Variants in RBFOX1 observed in about 807,000 individuals in gnomAD.
The protein encoded by RBFOX1 is RNA binding fox-1 homolog 1.
In RBFOX1, 8 loss-of-function variants were observed where a neutral mutation model predicts 57.7. The observed-to-expected ratio is 0.14, with a 90% confidence interval of 0.08 to 0.25. The LOEUF is 0.25. RBFOX1 is among the 10% of genes least tolerant of loss of function. The pLI is 1.00. For missense variants in RBFOX1, 611 were observed against 548.5 expected (o/e 1.11, Z -1.14); for synonymous variants, 326 against 222.4 (o/e 1.47, Z -4.15).
At chr16:7,273,200 C>T (rs79339377) in intron 4 of RBFOX1, among the ~76,000 whole-genome samples, 4 of 53,378 alleles carry the variant, frequency 7.5e-5, no homozygotes, top group Non-Finnish European at 1.1e-4. Context: ...CTTCCTTCCT[C>T]CCTCCCTTCC....
intron 3 of RBFOX1, among the ~76,000 whole-genome samples, chr16:6,690,750 C>A (rs938931058): frequency 1.5e-5 from 1 of 65,998 alleles, no homozygotes; most frequent in African/African-American, 6.0e-5. Flanking sequence ...GGTTTCTTTT[C>A]TTTCTTTCTT....
intron 4 of RBFOX1, among the ~76,000 whole-genome samples, chr16:5,893,409 A>G (rs1244322580): frequency 6.6e-6 from 1 of 152,236 alleles, no homozygotes; most frequent in East Asian, 1.9e-4. Flanking sequence ...AAAATAACTA[A>G]AAGAGTCTAA....
chr16:6,422,212 A>G (rs1039991412), intron 2 of RBFOX1, among the ~76,000 whole-genome samples: 1 of 147,790 alleles, frequency 6.8e-6, no homozygotes, highest in Non-Finnish European at 1.5e-5. Context: ...GTGAGCCACC[A>G]CGCCCGACCA....
At chr16:6,886,082 A>G (rs1166481983) in intron 3 of RBFOX1, among the ~76,000 whole-genome samples, 1 of 125,556 alleles carries the variant, frequency 8.0e-6, no homozygotes, top group Admixed American at 7.9e-5. Context: ...TTTTTTTTTG[A>G]GACGGAGTCT....
intron 13 of RBFOX1, among the ~76,000 whole-genome samples, chr16:7,669,981 C>T (rs1026068207): frequency 6.6e-6 from 1 of 152,132 alleles, no homozygotes; most frequent in African/African-American, 2.4e-5. Context: ...CATCTCTCCT[C>T]ACCACAGCCC....
At chr16:7,005,343 G>A (rs142330797) in intron 3 of RBFOX1, among the ~76,000 whole-genome samples, 9 of 152,148 alleles carry the variant, frequency 5.9e-5, no homozygotes, top group Non-Finnish European at 1.0e-4. Flanking sequence ...TTGCTTTGGG[G>A]GAGAAAGACT....
At chr16:5,709,945 A>G (rs1212746056) in intron 3 of RBFOX1, among the ~76,000 whole-genome samples, 1 of 141,774 alleles carries the variant, frequency 7.1e-6, no homozygotes, top group African/African-American at 2.7e-5. Context: ...TCAGATGAGC[A>G]CCTGAGAGAT....
chr16:6,702,037 C>G (rs2061932583), intron 3 of RBFOX1, among the ~76,000 whole-genome samples: 1 of 152,032 alleles, frequency 6.6e-6, no homozygotes, highest in African/African-American at 2.4e-5. Flanking sequence ...TACACCATAC[C>G]CTTGCAACAT....
intron 3 of RBFOX1, among the ~76,000 whole-genome samples, chr16:6,881,576 C>G (rs1208510176): frequency 6.6e-6 from 1 of 152,210 alleles, no homozygotes; most frequent in Non-Finnish European, 1.5e-5. Flanking sequence ...TGTAAACACT[C>G]CAGTCATACT....
At chr16:6,782,140 G>C (rs1341364481) in intron 3 of RBFOX1, among the ~76,000 whole-genome samples, 1 of 152,116 alleles carries the variant, frequency 6.6e-6, no homozygotes, top group African/African-American at 2.4e-5. Context: ...CCGAGTAGCT[G>C]GGACTACGGG....
rs562307491 is a variant in RBFOX1, at chr16:5,461,339, G to A, written c.220-5877G>A. On this transcript the variant is annotated intron_variant, in intron 1 of 2. Coordinates refer to the RBFOX1 transcript ENST00000585867. ...CTCTGCCGCCTCTGCCTCTCCTAGCGTTTCCCACGCCTCCTTTCCCCTGGA... is the reference window on the plus strand; with the variant it reads ...CTCTGCCGCCTCTGCCTCTCCTAGCATTTCCCACGCCTCCTTTCCCCTGGA... Among the ~76,000 whole-genome samples, 14 of 152,244 alleles carry A rather than the reference G, an allele frequency of 9.2e-5. No individual in the cohort carries two copies. The South Asian group carries it at 1.7e-3, about 18-fold the overall frequency.
intron 2 of RBFOX1, among the ~76,000 whole-genome samples, chr16:6,592,578 C>G (rs1395448176): frequency 6.6e-6 from 1 of 152,138 alleles, no homozygotes; most frequent in Admixed American, 6.5e-5. Context: ...TATGCTGGCT[C>G]CACCATGTAA....
intron 3 of RBFOX1, among the ~76,000 whole-genome samples, chr16:6,876,114 T>G (rs966964475): frequency 2.0e-5 from 3 of 151,906 alleles, no homozygotes; most frequent in African/African-American, 7.3e-5. Context: ...ACCCCGGAGA[T>G]TGAGGCTGCA....
downstream of RBFOX1, among the ~76,000 whole-genome samples, chr16:5,603,282 A>G (rs1243308533): frequency 3.3e-5 from 5 of 152,236 alleles, no homozygotes; most frequent in African/African-American, 9.6e-5. Flanking sequence ...CAGGCATTGT[A>G]TCTTTCTCTA....
intron 4 of RBFOX1, among the ~76,000 whole-genome samples, chr16:6,011,438 T>TA: frequency 6.6e-6 from 1 of 152,290 alleles, no homozygotes; most frequent in Middle Eastern, 3.4e-3. Flanking sequence ...ATCAGACTGT[T>TA]AAAGATTTAA....
chr16:5,658,867 A>G (rs925240691), intron 3 of RBFOX1, among the ~76,000 whole-genome samples: 2 of 148,962 alleles, frequency 1.3e-5, no homozygotes, highest in Non-Finnish European at 3.0e-5. Context: ...ATGTGTGTGT[A>G]TATGTATAAA....
At chr16:6,543,019 C>A (rs2153835185) in intron 2 of RBFOX1, among the ~76,000 whole-genome samples, 1 of 152,212 alleles carries the variant, frequency 6.6e-6, no homozygotes. Flanking sequence ...ACTCTCCCTC[C>A]CCAGGGCCAC....
At chr16:6,189,747 C>G (rs1030854181) in intron 1 of RBFOX1, among the ~76,000 whole-genome samples, 3 of 152,190 alleles carry the variant, frequency 2.0e-5, no homozygotes, top group Non-Finnish European at 4.4e-5. Flanking sequence ...TTCCACTAAA[C>G]AAGTAATATA....
At chr16:6,202,416 A>T (rs1281598380) in intron 1 of RBFOX1, among the ~76,000 whole-genome samples, 1 of 152,136 alleles carries the variant, frequency 6.6e-6, no homozygotes, top group Non-Finnish European at 1.5e-5. Context: ...GAGGTTATTC[A>T]ATCCATCTTC....
Sources: gnomAD v4.1 joint callset for allele counts (sites outside exome capture counted in the v4.1 genomes callset) on GRCh38, gnomAD v4.1.1 for gene constraint, MANE v1.5 for transcripts, NCBI Gene and HGNC (gene_info 2026-07-23, HGNC 2026-07-21) for gene names.